SLC35F3: variants seen among roughly 807,000 people sequenced by gnomAD.
SLC35F3 encodes the protein putative thiamine transporter SLC35F3.
In SLC35F3, 25 loss-of-function variants were observed where a neutral mutation model predicts 49.9. The ratio of observed to expected loss-of-function variants is 0.50; its 90% CI spans 0.37 to 0.70. The LOEUF (loss-of-function observed/expected upper bound fraction) is 0.70. Among genes scored for constraint, SLC35F3 ranks in the 30% least tolerant of loss-of-function variants. SLC35F3 has a pLI of 0.00. For synonymous variants in SLC35F3, 275 were observed against 265.4 expected, an observed-to-expected ratio of 1.04 and a Z score of -0.35; for missense variants, 525 against 639.8, an observed-to-expected ratio of 0.82 and a Z score of 1.94.
chr1:234,081,929 T>TTTTTTTTTTG, intron 2 of SLC35F3, among the ~76,000 whole-genome samples: 1 of 130,924 alleles, frequency 7.6e-6, no homozygotes, highest in Non-Finnish European at 1.6e-5. Flanking sequence ...TTTTTTTTTT[T>TTTTTTTTTTG]TTTTTTTAGT....
chr1:234,057,953 C>T (rs968923265), intron 2 of SLC35F3, among the ~76,000 whole-genome samples: 6 of 152,030 alleles, frequency 3.9e-5, no homozygotes, highest in African/African-American at 1.5e-4. Context: ...GTGATCCACC[C>T]GCCTCAGCTA....
chr1:234,105,079 G>A (rs1347343062), intron 2 of SLC35F3, among the ~76,000 whole-genome samples: 3 of 149,082 alleles, frequency 2.0e-5, no homozygotes, highest in African/African-American at 5.0e-5. Context: ...AGTCAGCCGA[G>A]ATCGTGCCAC....
At chr1:234,127,917 A>G (rs1665673735) in intron 2 of SLC35F3, among the ~76,000 whole-genome samples, 1 of 152,168 alleles carries the variant, frequency 6.6e-6, no homozygotes. Flanking sequence ...TGAATCACCA[A>G]TACCTGGTGA....
chr1:233,915,302 A>G (rs2102784512), intron 2 of SLC35F3, among the ~76,000 whole-genome samples: 2 of 152,318 alleles, frequency 1.3e-5, no homozygotes, highest in East Asian at 3.9e-4. Flanking sequence ...CAGAAGAAAA[A>G]TGTTTCTTAG....
intron 2 of SLC35F3, among the ~76,000 whole-genome samples, chr1:234,060,084 A>C (rs1417628853): frequency 6.6e-6 from 1 of 152,230 alleles, no homozygotes; most frequent in Non-Finnish European, 1.5e-5. Flanking sequence ...GAAATTAAGA[A>C]TCAATAACAA....
At chr1:234,068,505 G>A (rs767049951) in intron 2 of SLC35F3, among the ~76,000 whole-genome samples, 17 of 151,994 alleles carry the variant, frequency 1.1e-4, no homozygotes, top group Admixed American at 2.6e-4. Flanking sequence ...CTACAGGCGC[G>A]TGCCACCATG....
intron 2 of SLC35F3, among the ~76,000 whole-genome samples, chr1:234,012,588 C>T (rs2102838364): frequency 6.6e-6 from 1 of 152,318 alleles, no homozygotes; most frequent in South Asian, 2.1e-4. Flanking sequence ...TGCTTGTAAA[C>T]ATTTTGTTAA....
intron 2 of SLC35F3, among the ~76,000 whole-genome samples, chr1:233,935,189 C>CTT (rs35418747): frequency 0.042 from 2,120 of 50,120 alleles, 605 homozygotes; most frequent in African/African-American, 0.076. Flanking sequence ...TTTCCTTGCC[C>CTT]TTTTTTTTTT....
chr1:234,171,755 A>G (rs1558249672), intron 2 of SLC35F3, among the ~76,000 whole-genome samples: 1 of 152,194 alleles, frequency 6.6e-6, no homozygotes, highest in Non-Finnish European at 1.5e-5. Flanking sequence ...CTAGTGTTCT[A>G]TATTACTGTA....
Position 234,189,322 on chromosome 1 carries a change from C to T in SLC35F3, c.284-42095C>T, listed in dbSNP as rs146805454. On this transcript the variant is annotated intron_variant, in intron 2 of 7. Coordinates refer to ENST00000366618, the MANE Select transcript of SLC35F3 (RefSeq NM_173508.4). Reference sequence around the variant, plus strand: ...ACTTAAGGAAATTTTTAAAAATATACGAGATATAAAGGGAGAAATCTTCAG... The same window carrying T: ...ACTTAAGGAAATTTTTAAAAATATATGAGATATAAAGGGAGAAATCTTCAG... Among the ~76,000 whole-genome samples the T allele has an allele frequency of 3.2e-3, 487 of 150,204 alleles. 2 individuals carry two copies. The highest frequency in any genetic ancestry group is 1.0e-2 in the South Asian group (47 of 4,702).
At chr1:234,156,439 A>G (rs1430605194) in intron 2 of SLC35F3, among the ~76,000 whole-genome samples, 3 of 152,196 alleles carry the variant, frequency 2.0e-5, no homozygotes, top group African/African-American at 7.2e-5. Flanking sequence ...GGTGCACAAA[A>G]ACGTTCAGGA....
At chr1:234,123,449 G>A (rs145597970) in intron 2 of SLC35F3, among the ~76,000 whole-genome samples, 25 of 152,220 alleles carry the variant, frequency 1.6e-4, no homozygotes, top group African/African-American at 3.6e-4. Flanking sequence ...TTACTCTATC[G>A]CTCAGGCTGG....
intron 2 of SLC35F3, among the ~76,000 whole-genome samples, chr1:234,054,766 C>G (rs1007231071): frequency 6.6e-6 from 1 of 152,194 alleles, no homozygotes; most frequent in South Asian, 2.1e-4. Context: ...TTCTCCCCAT[C>G]TTTGTGGTTT....
intron 2 of SLC35F3, among the ~76,000 whole-genome samples, chr1:234,228,341 A>G (rs1667318816): frequency 1.3e-5 from 2 of 152,116 alleles, no homozygotes; most frequent in Non-Finnish European, 2.9e-5. Flanking sequence ...CCCAATGCAC[A>G]CTGGCCACGC....
intron 2 of SLC35F3, among the ~76,000 whole-genome samples, chr1:233,938,916 T>C (rs1268246750): frequency 6.6e-6 from 1 of 152,122 alleles, no homozygotes; most frequent in Non-Finnish European, 1.5e-5. Context: ...TCAAGGAAGA[T>C]GAGGACTAAA....
chr1:234,034,001 T>C (rs918105554), intron 2 of SLC35F3, among the ~76,000 whole-genome samples: 3 of 152,220 alleles, frequency 2.0e-5, no homozygotes, highest in African/African-American at 7.2e-5. Context: ...GGAGTGTTCT[T>C]CCATTTGTTT....
intron 2 of SLC35F3, among the ~76,000 whole-genome samples, chr1:233,907,859 G>T (rs560765511): frequency 2.5e-4 from 38 of 152,268 alleles, no homozygotes; most frequent in Middle Eastern, 3.4e-3. Flanking sequence ...CTGCGTAGCT[G>T]GGATTACAGG....
At position 234,214,299 on chromosome 1, in the gene SLC35F3, G is replaced by A. The variant is rs755106586; in HGVS notation, c.284-17118G>A. 7.7e-7 allele frequency: 1 copy of A among 1,293,592 alleles called. No homozygotes were observed. The highest frequency in any genetic ancestry group is 2.4e-5 in the South Asian group (1 of 41,714). 80.1% of individuals were successfully genotyped at this position (1,293,592 alleles called of 1,614,324 possible). Reference sequence around the variant, plus strand: ...TGCGCGGCCGGGGAGGATGTGCGCTGCAGGGCGGCCGCCGCAGTGAGCAAC... The same window carrying A: ...TGCGCGGCCGGGGAGGATGTGCGCTACAGGGCGGCCGCCGCAGTGAGCAAC... On this transcript the variant is annotated intron_variant, in intron 2 of 7. Transcript: ENST00000366618. This position sits in a 1 kb window ranked among gnomAD's most constrained non-coding sequence, Gnocchi z 8.0.
intron 2 of SLC35F3, among the ~76,000 whole-genome samples, chr1:234,031,207 T>C (rs575197352): frequency 2.0e-5 from 3 of 152,254 alleles, no homozygotes; most frequent in East Asian, 3.9e-4. Context: ...GTCTTTCCAA[T>C]AGGATTCCAC....
Sources: allele counts gnomAD v4.1 joint callset (sites outside exome capture counted in the v4.1 genomes callset), GRCh38; gene constraint gnomAD v4.1.1; non-coding constraint Gnocchi (gnomAD v3.1); transcripts MANE v1.5; gene names NCBI Gene and HGNC (gene_info 2026-07-23, HGNC 2026-07-21).